The following ERC2 variants were observed in gnomAD, a reference collection of about 807,000 sequenced individuals.
The protein encoded by ERC2 is ELKS/RAB6-interacting/CAST family member 2, also known as ERC protein 2.
Under a neutral mutation model 114.8 loss-of-function variants are expected in ERC2, and 42 were observed. The observed-to-expected ratio is 0.37, with a 90% CI of 0.29 to 0.47. The LOEUF (loss-of-function observed/expected upper bound fraction) is 0.47, where lower values mean the gene tolerates loss of function less well. ERC2 is among the 20% of genes least tolerant of loss of function. ERC2 has a pLI of 0.99. For synonymous variants in ERC2, 454 were observed against 425.5 expected (o/e 1.07, Z -0.82); for missense variants, 939 against 1,150.7 (o/e 0.82, Z 2.66).
Position 55,917,105 on chromosome 3 carries a change from A to T in ERC2, c.2404-28556T>A, listed in dbSNP as rs555015027. Among the ~76,000 whole-genome samples the T allele has an allele frequency of 5.9e-5, 9 of 152,296 alleles. No individual in the cohort carries two copies. In the East Asian group the frequency reaches 1.7e-3, roughly 29 times the overall value. Reference sequence around the variant, plus strand: ...ATGAAGAGGATTCCATTAACTCACTAGTTCCCAAAATTCCATCATGAAGGT... The same window carrying T: ...ATGAAGAGGATTCCATTAACTCACTTGTTCCCAAAATTCCATCATGAAGGT... On this transcript the variant is annotated intron_variant, in intron 13 of 17. Transcript: ENST00000288221.
intron 17 of ERC2, among the ~76,000 whole-genome samples, chr3:55,566,062 A>T (rs2056352599): frequency 6.6e-6 from 1 of 152,120 alleles, no homozygotes; most frequent in South Asian, 2.1e-4. Flanking sequence ...CTGGCTCTGG[A>T]TGGAGTAGCT....
At chr3:55,687,539 T>C (rs1216303497) in intron 16 of ERC2, among the ~76,000 whole-genome samples, 1 of 152,174 alleles carries the variant, frequency 6.6e-6, no homozygotes, top group African/African-American at 2.4e-5. Flanking sequence ...AATAGCCTAC[T>C]GCCTTTGTGG....
chr3:56,162,767 T>A (rs1236220360), intron 4 of ERC2, among the ~76,000 whole-genome samples: 1 of 152,100 alleles, frequency 6.6e-6, no homozygotes, highest in Non-Finnish European at 1.5e-5. Context: ...GATCTTTTTT[T>A]CTTTGTTAAT....
chr3:55,799,422 G>A (rs1175783536), intron 14 of ERC2, among the ~76,000 whole-genome samples: 1 of 107,798 alleles, frequency 9.3e-6, no homozygotes, highest in African/African-American at 5.1e-5. Flanking sequence ...TTATATATAT[G>A]CATATATATA....
chr3:56,075,362 C>G (rs540661001), intron 7 of ERC2, among the ~76,000 whole-genome samples: 1 of 152,114 alleles, frequency 6.6e-6, no homozygotes, highest in African/African-American at 2.4e-5. Context: ...AGACAGCTGA[C>G]CAGACACTCC....
chr3:56,246,014 C>G (rs1295381663), intron 3 of ERC2, among the ~76,000 whole-genome samples: 1 of 150,544 alleles, frequency 6.6e-6, no homozygotes, highest in African/African-American at 2.4e-5. Flanking sequence ...CCTAAAGTGG[C>G]CTATTTCCTA....
chr3:56,188,817 C>T (rs769180165), intron 3 of ERC2, among the ~76,000 whole-genome samples: 5 of 152,112 alleles, frequency 3.3e-5, no homozygotes, highest in East Asian at 1.9e-4. Context: ...GTCATGCCTC[C>T]GTGACGCAGC....
At chr3:56,010,416 ATCAATGTGGT>A in intron 9 of ERC2, 23 bp downstream of exon 9, 1 of 1,607,906 alleles carries the variant, frequency 6.2e-7, no homozygotes, top group South Asian at 1.1e-5. Context: ...TATGAGGACT[ATCAATGTGGT>A]TCATTTGTTT....
intron 4 of ERC2, among the ~76,000 whole-genome samples, chr3:56,166,797 T>C (rs2082344903): frequency 6.6e-6 from 1 of 152,126 alleles, no homozygotes; most frequent in Non-Finnish European, 1.5e-5. Context: ...TTGCTGATTC[T>C]AACCAGGATT....
intron 14 of ERC2, among the ~76,000 whole-genome samples, chr3:55,854,058 T>A (rs1283375075): frequency 1.3e-5 from 2 of 152,158 alleles, no homozygotes; most frequent in South Asian, 2.1e-4. Context: ...GCCGATCACC[T>A]GAGGTAAGGA....
At chr3:55,570,790 C>T (rs919629738) in intron 17 of ERC2, among the ~76,000 whole-genome samples, 20 of 152,104 alleles carry the variant, frequency 1.3e-4, no homozygotes, top group African/African-American at 4.3e-4. Flanking sequence ...TTTTGACAGG[C>T]TCCAATTTTT....
chr3:56,260,438 C>T (rs1315197692), intron 3 of ERC2, among the ~76,000 whole-genome samples: 1 of 152,212 alleles, frequency 6.6e-6, no homozygotes, highest in Non-Finnish European at 1.5e-5. Context: ...AGGAGAACAT[C>T]GCCCCCGCGC....
chr3:55,610,959 G>A (rs898195947), intron 17 of ERC2: 8 of 152,112 alleles, frequency 5.3e-5, no homozygotes, highest in Non-Finnish European at 8.8e-5. Flanking sequence ...CTGGGTTTCC[G>A]GGATTCAAAA....
Position 55,790,668 on chromosome 3 carries a change from G to A in ERC2, c.2565-55750C>T, listed in dbSNP as rs547392327. ...CTTGTATTCAAATCCTTGTCTGAAGGCCAACTTCTGGGGAAACCCAACCCA... is the reference window on the plus strand; with the variant it reads ...CTTGTATTCAAATCCTTGTCTGAAGACCAACTTCTGGGGAAACCCAACCCA... On this transcript the variant is annotated intron_variant, in intron 14 of 17. Transcript: ENST00000288221. Among the ~76,000 whole-genome samples the A allele has an allele frequency of 3.3e-5, 5 of 152,282 alleles. No homozygotes were observed. In the South Asian group the frequency reaches 6.2e-4, roughly 19 times the overall value.
chr3:56,395,112 T>C (rs1186278895), intron 2 of ERC2, among the ~76,000 whole-genome samples: 2 of 152,044 alleles, frequency 1.3e-5, no homozygotes, highest in Admixed American at 6.6e-5. Context: ...ATAGGAGTGA[T>C]TGCCTAGGCC....
rs869296098 is a variant in ERC2 at position 55,675,903 on chromosome 3, C to CTTTTTTTT, written c.*39+7883_*39+7890dup. ...TTCCATCTTTCTTTCTCTTTTCTTTCTTTTTTTTTTTTTTTTTTTTTTTTT... is the reference window on the plus strand; with the variant it reads ...TTCCATCTTTCTTTCTCTTTTCTTTCTTTTTTTTTTTTTTTTTTTTTTTTTTTTTTTTT... On this transcript the variant is annotated intron_variant, in intron 17 of 17. Coordinates refer to ENST00000288221, the MANE Select transcript of ERC2 (RefSeq NM_015576.3). Among the ~76,000 whole-genome samples the CTTTTTTTT allele has an allele frequency of 8.2e-3, 391 of 47,974 alleles. 74 individuals carry two copies. Among genetic ancestry groups the CTTTTTTTT allele is most frequent in the Middle Eastern group, 0.021 (1 of 48 alleles). The allele number at this position is 47,974 out of a possible 152,430, so 31.5% of individuals were successfully genotyped here.
rs1299882693 is a variant in ERC2 at position 55,512,751 on chromosome 3, A to G, written c.*40-1475T>C. On this transcript the variant is annotated intron_variant, in intron 17 of 17. Coordinates refer to ENST00000288221, the MANE Select transcript of ERC2 (RefSeq NM_015576.3). Reference sequence around the variant, plus strand: ...GGCAGCAGGTCACAAGGCAGAATACAATGCCCCACAATTGCAGCAAACTGC... The same window carrying G: ...GGCAGCAGGTCACAAGGCAGAATACGATGCCCCACAATTGCAGCAAACTGC... Among the ~76,000 whole-genome samples the G allele has an allele frequency of 3.3e-5, 5 of 152,334 alleles. No individual in the cohort carries two copies. The East Asian group carries it at 9.7e-4, about 29-fold the overall frequency.
chr3:55,566,407 C>CTATTTATTTATTTATTTATTTATT (rs113386431), intron 17 of ERC2, among the ~76,000 whole-genome samples: 1 of 147,878 alleles, frequency 6.8e-6, no homozygotes, highest in Non-Finnish European at 1.5e-5. Flanking sequence ...GCTGGTAATT[C>CTATTTATTTATTTATTTATTTATT]TATTTATTTA....
chr3:55,710,902 A>G (rs2063744752), intron 15 of ERC2, among the ~76,000 whole-genome samples: 2 of 152,276 alleles, frequency 1.3e-5, no homozygotes, highest in Admixed American at 1.3e-4. Context: ...AGGCTCCAAG[A>G]GGGGGAAGGT....
Sources: gnomAD v4.1 joint callset for allele counts (sites outside exome capture counted in the v4.1 genomes callset) on GRCh38, gnomAD v4.1.1 for gene constraint, MANE v1.5 for transcripts, NCBI Gene and HGNC (gene_info 2026-07-23, HGNC 2026-07-21) for gene names.